The following LDB2 variants were observed in gnomAD, a reference collection of about 807,000 sequenced individuals.
LDB2 encodes LIM domain-binding protein 2.
A neutral mutation model predicts 44.3 loss-of-function variants in LDB2; 12 were observed. The ratio of observed to expected loss-of-function variants is 0.27; its 90% CI spans 0.17 to 0.44. The LOEUF is 0.44. Among genes scored for constraint, LDB2 ranks in the 20% least tolerant of loss-of-function variants. The pLI, the probability that LDB2 is intolerant of heterozygous loss-of-function variation, is 1.00. For missense variants in LDB2, 344 were observed against 473.5 expected (o/e 0.73, Z 2.54); for synonymous variants, 164 against 174.8 (o/e 0.94, Z 0.49).
chr4:16,519,392 G>T (rs917360125), intron 5 of LDB2, among the ~76,000 whole-genome samples: 1 of 151,498 alleles, frequency 6.6e-6, no homozygotes, highest in African/African-American at 2.4e-5. Context: ...GAAGGGCAGA[G>T]AAGAGGTTCA....
At chr4:16,607,909 G>C (rs1177013831) in intron 2 of LDB2, among the ~76,000 whole-genome samples, 1 of 152,104 alleles carries the variant, frequency 6.6e-6, no homozygotes, top group Non-Finnish European at 1.5e-5. Context: ...TTCTAACACA[G>C]AGGTAAGGCC....
intron 2 of LDB2, among the ~76,000 whole-genome samples, chr4:16,635,682 A>T (rs1733394987): frequency 6.6e-6 from 1 of 151,844 alleles, no homozygotes; most frequent in African/African-American, 2.4e-5. Context: ...AAAGAAAAAA[A>T]AATAATAAAA....
At chr4:16,618,769 C>T (rs1246022452) in intron 2 of LDB2, among the ~76,000 whole-genome samples, 1 of 152,116 alleles carries the variant, frequency 6.6e-6, no homozygotes, top group African/African-American at 2.4e-5. Context: ...TGTCCCCACC[C>T]AAATCTCATG....
At chr4:16,858,832 A>T (rs925309101) in intron 1 of LDB2, among the ~76,000 whole-genome samples, 1 of 152,182 alleles carries the variant, frequency 6.6e-6, no homozygotes, top group African/African-American at 2.4e-5. Flanking sequence ...TCAATACACA[A>T]TTCTTTCCGT....
chr4:16,881,897 G>C (rs996716939), intron 1 of LDB2, among the ~76,000 whole-genome samples: 1 of 152,160 alleles, frequency 6.6e-6, no homozygotes, highest in Non-Finnish European at 1.5e-5. Flanking sequence ...GTTTTGAGAT[G>C]TTTACGCAGT....
At chr4:16,564,380 A>AT (rs1743707157) in intron 5 of LDB2, among the ~76,000 whole-genome samples, 1 of 152,144 alleles carries the variant, frequency 6.6e-6, no homozygotes, top group Non-Finnish European at 1.5e-5. Context: ...AAAAAATAAC[A>AT]AACAATCAAA....
chr4:16,846,044 G>A (rs1457549535), intron 1 of LDB2, among the ~76,000 whole-genome samples: 1 of 150,922 alleles, frequency 6.6e-6, no homozygotes, highest in Non-Finnish European at 1.5e-5. Flanking sequence ...AACCCGGGAG[G>A]CAGAGCTTGC....
intron 5 of LDB2, among the ~76,000 whole-genome samples, chr4:16,565,797 A>G (rs1744299210): frequency 6.6e-6 from 1 of 152,086 alleles, no homozygotes; most frequent in Admixed American, 6.5e-5. Flanking sequence ...GTCTGGGAAT[A>G]AAATTAACAT....
rs368545114 is a variant in LDB2, at chr4:16,632,699, A to G, written c.236-36824T>C. On this transcript the variant is annotated intron_variant, in intron 2 of 7. Transcript: ENST00000304523. ...GAAAACCCCATCCTCTCAGCCCAAA[A>G]TCTCCTTAAGCTGATAAGCAACTTC... is the stretch of plus-strand genomic sequence containing the variant. Among the ~76,000 whole-genome samples the G allele has an allele frequency of 1.1e-4, 16 of 152,324 alleles. No individual in the cohort carries two copies. In the South Asian group the frequency reaches 2.3e-3, roughly 22 times the overall value.
Position 16,666,634 on chromosome 4 carries a change from T to C in LDB2, c.236-70759A>G, listed in dbSNP as rs549855810. Among the ~76,000 whole-genome samples the C allele has an allele frequency of 4.5e-4, 68 of 152,358 alleles. 1 individual carries two copies. In the South Asian group the frequency reaches 0.014, roughly 31 times the overall value. On this transcript the variant is annotated intron_variant, in intron 2 of 7. Coordinates refer to ENST00000304523, the MANE Select transcript of LDB2 (RefSeq NM_001290.5). ...CCATAGAAGCTTGGGTTTTATGCTG[T>C]TTGTGGCTTCACACCAGTTACCTGC...
chr4:16,506,140 A>T, intron 7 of LDB2: 1 of 660,306 alleles, frequency 1.5e-6, no homozygotes, highest in East Asian at 2.8e-5. Context: ...ATCTCTAGTT[A>T]ACCAGTAGAA....
intron 5 of LDB2, among the ~76,000 whole-genome samples, chr4:16,546,148 T>C (rs1735662176): frequency 6.6e-6 from 1 of 152,230 alleles, no homozygotes; most frequent in Non-Finnish European, 1.5e-5. Flanking sequence ...TTAAGCACCA[T>C]ACTCTCCTTG....
intron 5 of LDB2, among the ~76,000 whole-genome samples, chr4:16,528,716 C>G (rs2152295941): frequency 6.6e-6 from 1 of 152,252 alleles, no homozygotes; most frequent in Middle Eastern, 3.4e-3. Flanking sequence ...GGTGGGAGAG[C>G]AGAAGATGTT....
chr4:16,855,329 T>C (rs1789141458), intron 1 of LDB2, among the ~76,000 whole-genome samples: 1 of 152,122 alleles, frequency 6.6e-6, no homozygotes, highest in South Asian at 2.1e-4. Flanking sequence ...CACTCAGAGT[T>C]TTACAAAATT....
At chr4:16,554,275 C>G (rs1306406919) in intron 5 of LDB2, among the ~76,000 whole-genome samples, 1 of 152,114 alleles carries the variant, frequency 6.6e-6, no homozygotes, top group East Asian at 1.9e-4. Context: ...GTCTCGAACT[C>G]CCAGCCTCAG....
chr4:16,880,772 C>T (rs538348021), intron 1 of LDB2, among the ~76,000 whole-genome samples: 13 of 151,932 alleles, frequency 8.6e-5, no homozygotes, highest in East Asian at 1.9e-4. Context: ...AGTGTGGTGG[C>T]GGGTGCCTGT....
At chr4:16,675,384 C>G (rs1746019704) in intron 2 of LDB2, among the ~76,000 whole-genome samples, 1 of 151,986 alleles carries the variant, frequency 6.6e-6, no homozygotes, top group Non-Finnish European at 1.5e-5. Flanking sequence ...AAATACAAAA[C>G]AGTAATAAAA....
At chr4:16,847,685 C>T (rs1398980998) in intron 1 of LDB2, among the ~76,000 whole-genome samples, 1 of 152,184 alleles carries the variant, frequency 6.6e-6, no homozygotes, top group Non-Finnish European at 1.5e-5. Flanking sequence ...TGGCGGATCT[C>T]GGCTCATTGC....
chr4:16,528,404 G>A (rs1179366594), intron 5 of LDB2, among the ~76,000 whole-genome samples: 1 of 152,204 alleles, frequency 6.6e-6, no homozygotes, highest in African/African-American at 2.4e-5. Context: ...TGTCATTAAA[G>A]GCAATGGCAA....
Sources: allele counts gnomAD v4.1 joint callset (sites outside exome capture counted in the v4.1 genomes callset), GRCh38; gene constraint gnomAD v4.1.1; transcripts MANE v1.5; gene names NCBI Gene and HGNC (gene_info 2026-07-23, HGNC 2026-07-21).